PPARGC1A: variants seen among roughly 807,000 people sequenced by gnomAD.
PPARGC1A encodes PPARG coactivator 1 alpha.
Under a neutral mutation model 88.7 loss-of-function variants are expected in PPARGC1A, and 25 were observed. That is an observed-to-expected ratio of 0.28 (90% CI 0.21 to 0.39). PPARGC1A has a LOEUF of 0.39. PPARGC1A is among the 10% of genes least tolerant of loss of function. PPARGC1A has a pLI of 1.00. For missense variants in PPARGC1A, 880 were observed against 968.7 expected (o/e 0.91, Z 1.22); for synonymous variants, 363 against 355.6 (o/e 1.02, Z -0.24).
the PPARGC1A span, among the ~76,000 whole-genome samples, chr4:24,469,945 C>CTCATT: frequency 9.9e-5 from 15 of 152,180 alleles, no homozygotes; most frequent in Non-Finnish European, 2.1e-4. Context: ...TTTAAACGCT[C>CTCATT]TCAAATGACT....
chr4:24,125,718 G>C, the PPARGC1A span, among the ~76,000 whole-genome samples: 3 of 152,024 alleles, frequency 2.0e-5, no homozygotes, highest in South Asian at 6.2e-4. Flanking sequence ...TGTAAGAGTT[G>C]AGAGAGAGAG....
At chr4:24,226,954 T>A in the PPARGC1A span, among the ~76,000 whole-genome samples, 1 of 152,204 alleles carries the variant, frequency 6.6e-6, no homozygotes, top group Non-Finnish European at 1.5e-5. Context: ...ATAGGATCTT[T>A]AGTCAAAAGA....
At chr4:24,342,285 A>C in the PPARGC1A span, among the ~76,000 whole-genome samples, 1 of 152,210 alleles carries the variant, frequency 6.6e-6, no homozygotes, top group Non-Finnish European at 1.5e-5. Context: ...GTTTCAAAAA[A>C]AAATCTGCAA....
intron 4 of PPARGC1A, 42 bp downstream of exon 4, chr4:23,829,421 C>G (rs774791825): frequency 6.2e-6 from 10 of 1,602,422 alleles, no homozygotes; most frequent in Non-Finnish European, 8.5e-6. Flanking sequence ...AGCCAAAATC[C>G]TTTGGTACAT....
At chr4:24,414,612 A>G in the PPARGC1A span, among the ~76,000 whole-genome samples, 1 of 152,194 alleles carries the variant, frequency 6.6e-6, no homozygotes, top group Non-Finnish European at 1.5e-5. Flanking sequence ...CCTGACCCCA[A>G]CCATAGACAT....
the PPARGC1A span, among the ~76,000 whole-genome samples, chr4:24,352,382 G>C: frequency 6.6e-6 from 1 of 152,190 alleles, no homozygotes. Context: ...CAGAACTCTA[G>C]CTGCCAGAAA....
At chr4:23,812,467 AT>A (rs1225967528) in intron 10 of PPARGC1A, among the ~76,000 whole-genome samples, 2 of 152,178 alleles carry the variant, frequency 1.3e-5, no homozygotes, top group East Asian at 3.9e-4. Context: ...TGAAAAAAAA[AT>A]CTCTACTCCC....
chr4:23,928,243 A>G, the PPARGC1A span, among the ~76,000 whole-genome samples: 1 of 152,162 alleles, frequency 6.6e-6, no homozygotes, highest in Admixed American at 6.5e-5. Context: ...AAAATCCACA[A>G]TTTCTGGTGG....
rs1442723065 is a variant in PPARGC1A at position 23,813,912 on chromosome 4, G to C, written c.1571C>G (p.Pro524Arg). The C allele has an allele frequency of 6.2e-7, 1 of 1,613,738 alleles. No homozygotes were observed. Among genetic ancestry groups the C allele is most frequent in the African/African-American group, 1.3e-5 (1 of 74,898 alleles). ...TGAATAGGATTGCGTGCCATCCCAAGGGTAGCTCAGTTTATCACTTTCATC... is the reference window on the plus strand; with the variant it reads ...TGAATAGGATTGCGTGCCATCCCAACGGTAGCTCAGTTTATCACTTTCATC... The part of the protein sequence containing the change: ...SEDESDKLSY[P>R]WDGTQSYSLF... The change falls in exon 8 of 13, where the codon CCT becomes CGT. Residue 524 changes from proline (P) to arginine (R), a missense_variant. Physicochemically the swap from Pro to Arg is moderately radical, Grantham distance 103. Coordinates refer to ENST00000264867, the MANE Select transcript of PPARGC1A (RefSeq NM_013261.5).
At chr4:24,182,963 T>G in the PPARGC1A span, among the ~76,000 whole-genome samples, 1 of 152,092 alleles carries the variant, frequency 6.6e-6, no homozygotes, top group South Asian at 2.1e-4. Flanking sequence ...ACAATAAGCT[T>G]CCATCCCAGT....
At chr4:23,832,766 C>T (rs1326190299) in intron 2 of PPARGC1A, among the ~76,000 whole-genome samples, 13 of 151,714 alleles carry the variant, frequency 8.6e-5, no homozygotes, top group Admixed American at 2.0e-4. Flanking sequence ...TCCGCCACCA[C>T]GCCCGGCTAA....
At chr4:23,984,632 A>G in the PPARGC1A span, among the ~76,000 whole-genome samples, 1 of 152,124 alleles carries the variant, frequency 6.6e-6, no homozygotes, top group African/African-American at 2.4e-5. Flanking sequence ...AGCCAGGTGT[A>G]TAATCATGTA....
At chr4:24,050,956 G>C in the PPARGC1A span, among the ~76,000 whole-genome samples, 3 of 152,170 alleles carry the variant, frequency 2.0e-5, no homozygotes, top group African/African-American at 7.2e-5. Context: ...GGGAGGCCAA[G>C]GTGGGCAGAT....
At chr4:24,182,972 G>T in the PPARGC1A span, among the ~76,000 whole-genome samples, 1 of 152,154 alleles carries the variant, frequency 6.6e-6, no homozygotes, top group African/African-American at 2.4e-5. Flanking sequence ...TTCCATCCCA[G>T]TGTCGGGGGA....
chr4:24,339,514 G>A, the PPARGC1A span, among the ~76,000 whole-genome samples: 1 of 151,674 alleles, frequency 6.6e-6, no homozygotes. Context: ...ATCCTCCATC[G>A]TGCTTTCTCT....
At chr4:24,391,946 T>C in the PPARGC1A span, among the ~76,000 whole-genome samples, 1 of 152,158 alleles carries the variant, frequency 6.6e-6, no homozygotes, top group Admixed American at 6.5e-5. Context: ...GGTTATGCCC[T>C]GACAAAGGAT....
intron 11 of PPARGC1A, 88 bp downstream of exon 11, chr4:23,802,136 A>G (rs1055120459): frequency 1.3e-6 from 2 of 1,561,538 alleles, no homozygotes; most frequent in Non-Finnish European, 1.8e-6. Flanking sequence ...AAGCACTTAC[A>G]TTGGCAACTC....
upstream of PPARGC1A, among the ~76,000 whole-genome samples, chr4:23,893,198 A>G (rs1718106893): frequency 6.6e-6 from 1 of 151,916 alleles, no homozygotes; most frequent in Non-Finnish European, 1.5e-5. Flanking sequence ...AAACCTCAAG[A>G]GAATAATTCA....
the PPARGC1A span, among the ~76,000 whole-genome samples, chr4:24,088,621 A>G: frequency 6.6e-6 from 1 of 152,184 alleles, no homozygotes; most frequent in Non-Finnish European, 1.5e-5. Context: ...AGTACTTGTA[A>G]GAATTATAAG....
Sources: gnomAD v4.1 joint callset for allele counts (sites outside exome capture counted in the v4.1 genomes callset) on GRCh38, gnomAD v4.1.1 for gene constraint, MANE v1.5 for transcripts, NCBI Gene and HGNC (gene_info 2026-07-23, HGNC 2026-07-21) for gene names.